SUMF1: variants seen among roughly 807,000 people sequenced by gnomAD.
The protein encoded by SUMF1 is formylglycine-generating enzyme.
Under a neutral mutation model 47.6 loss-of-function variants are expected in SUMF1, and 48 were observed. The observed-to-expected ratio is 1.01, with a 90% CI of 0.80 to 1.28. SUMF1 has a LOEUF of 1.28. Ranked by LOEUF, SUMF1 falls within the 50% of genes most tolerant of loss-of-function variation. The pLI, the probability that SUMF1 is intolerant of heterozygous loss-of-function variation, is 0.00. For missense variants in SUMF1, 571 were observed against 485.4 expected, an observed-to-expected ratio of 1.18 and a Z score of -1.66; for synonymous variants, 230 against 192.1, an observed-to-expected ratio of 1.20 and a Z score of -1.63.
At chr3:4,284,260 A>T (rs1697585258) in intron 8 of SUMF1, among the ~76,000 whole-genome samples, 1 of 151,954 alleles carries the variant, frequency 6.6e-6, no homozygotes, top group Admixed American at 6.6e-5. Flanking sequence ...ACAAAAAAAA[A>T]AATTAGTCAT....
intron 9 of SUMF1, among the ~76,000 whole-genome samples, chr3:4,057,618 C>T (rs1254546365): frequency 6.6e-6 from 1 of 152,028 alleles, no homozygotes; most frequent in African/African-American, 2.4e-5. Flanking sequence ...CTGTGCCTCC[C>T]AGAGTTGTTA....
chr3:4,047,801 A>T (rs896251480), intron 9 of SUMF1, among the ~76,000 whole-genome samples: 2 of 152,166 alleles, frequency 1.3e-5, no homozygotes, highest in Non-Finnish European at 2.9e-5. Flanking sequence ...AGCACTACAA[A>T]AAAAGAACCC....
At chr3:4,046,653 A>G (rs1695012376) in intron 9 of SUMF1, among the ~76,000 whole-genome samples, 1 of 152,074 alleles carries the variant, frequency 6.6e-6, no homozygotes, top group South Asian at 2.1e-4. Context: ...CGCTCCAAAT[A>G]TAGCTCCAGT....
chr3:4,395,558 G>C (rs1014218788), intron 7 of SUMF1, among the ~76,000 whole-genome samples: 1 of 152,204 alleles, frequency 6.6e-6, no homozygotes, highest in South Asian at 2.1e-4. Context: ...AAAGAAGAGC[G>C]CAGTAAAACA....
At chr3:4,432,222 C>T (rs552755755) in intron 3 of SUMF1, among the ~76,000 whole-genome samples, 54 of 151,310 alleles carry the variant, frequency 3.6e-4, no homozygotes, top group Non-Finnish European at 6.0e-4. Flanking sequence ...TCACCATCTC[C>T]CCAAAACCCA....
chr3:4,464,649 G>T (rs952411306), intron 1 of SUMF1, among the ~76,000 whole-genome samples: 3 of 152,168 alleles, frequency 2.0e-5, no homozygotes, highest in Non-Finnish European at 4.4e-5. Context: ...TGAAATATTG[G>T]AGTTCCTGAA....
rs182584055 is a variant in SUMF1 at position 4,137,889 on chromosome 3, T to C, written c.1015-69144A>G. ...CCATCTCTATTTGCAGATGAGATAATCTTGCATATAGTAAACACTAATAAT... is the reference window on the plus strand; with the variant it reads ...CCATCTCTATTTGCAGATGAGATAACCTTGCATATAGTAAACACTAATAAT... On this transcript the variant is annotated intron_variant and NMD_transcript_variant, in intron 8 of 12. Coordinates refer to the SUMF1 transcript ENST00000448413. 1.1e-3 allele frequency among the ~76,000 whole-genome samples: 159 copies of C among 149,176 alleles called. 1 individual carries two copies. The highest frequency in any genetic ancestry group is 6.3e-3 in the Admixed American group (93 of 14,674).
chr3:4,212,569 T>C (rs1026458415), intron 8 of SUMF1, among the ~76,000 whole-genome samples: 3 of 152,120 alleles, frequency 2.0e-5, no homozygotes, highest in African/African-American at 4.8e-5. Context: ...GTTTGATGAA[T>C]TGACAGAAGT....
At chr3:4,121,422 G>C (rs747773448) in intron 8 of SUMF1, among the ~76,000 whole-genome samples, 2 of 152,000 alleles carry the variant, frequency 1.3e-5, no homozygotes, top group Non-Finnish European at 2.9e-5. Context: ...TAGTCTCTTT[G>C]TTTTATGTTT....
intron 8 of SUMF1, among the ~76,000 whole-genome samples, chr3:4,141,658 G>T (rs945255732): frequency 1.3e-5 from 2 of 151,972 alleles, no homozygotes; most frequent in Non-Finnish European, 2.9e-5. Context: ...GCAAGATCCT[G>T]CTTCAAAGCC....
chr3:4,165,903 C>T lies in SUMF1; in HGVS notation c.1015-97158G>A, dbSNP rs1481020381. 3.4e-5 allele frequency among the ~76,000 whole-genome samples: 5 copies of T among 148,810 alleles called. No individual in the cohort carries two copies. In the East Asian group the frequency reaches 8.1e-4, roughly 24 times the overall value. ...GCAAGAACCTGCAATGGTCCCTGGA[C>T]CCTGCTGATCAGAATAGTTGTGCTC... On this transcript the variant is annotated intron_variant and NMD_transcript_variant, in intron 8 of 12. Transcript: ENST00000448413.
chr3:4,141,576 T>C (rs1694071880), intron 8 of SUMF1, among the ~76,000 whole-genome samples: 1 of 152,084 alleles, frequency 6.6e-6, no homozygotes. Context: ...AAAAGGAGGA[T>C]TGCTTGAGCC....
In SUMF1 at chr3:4,168,639, G is replaced by A. The variant is rs56290573; in HGVS notation, c.1015-99894C>T. On this transcript the variant is annotated intron_variant and NMD_transcript_variant, in intron 8 of 12. Coordinates refer to the SUMF1 transcript ENST00000448413. The stretch of plus-strand genomic sequence containing the variant: ...TCAATTCAAAAAGTTTTTTTAATGA[G>A]TTCTCAAGCAACTTTGGGTAAAAAT... 2.8e-3 allele frequency among the ~76,000 whole-genome samples: 430 copies of A among 152,106 alleles called. 3 individuals are homozygous for A. Among genetic ancestry groups the A allele is most frequent in the African/African-American group, 0.01 (417 of 41,480 alleles).
intron 8 of SUMF1, among the ~76,000 whole-genome samples, chr3:4,296,479 T>C (rs957203045): frequency 6.6e-6 from 1 of 152,098 alleles, no homozygotes; most frequent in African/African-American, 2.4e-5. Context: ...TTCACATGGC[T>C]GGGGAGGCCT....
intron 8 of SUMF1, among the ~76,000 whole-genome samples, chr3:4,074,308 C>T (rs373517873): frequency 3.9e-5 from 6 of 152,076 alleles, no homozygotes; most frequent in African/African-American, 9.7e-5. Flanking sequence ...AAAGACATGA[C>T]GTACCAGAAT....
chr3:4,246,862 T>G (rs966903858), intron 8 of SUMF1, among the ~76,000 whole-genome samples: 1 of 152,164 alleles, frequency 6.6e-6, no homozygotes. Context: ...CCTGAGGAAA[T>G]TCAGCGCTAA....
Position 4,349,187 on chromosome 3 carries a change from T to C in SUMF1, c.1014+27143A>G, listed in dbSNP as rs570852247. 3.1e-4 allele frequency among the ~76,000 whole-genome samples: 47 copies of C among 152,152 alleles called. 1 individual carries two copies. The highest frequency in any genetic ancestry group is 2.7e-3 in the Admixed American group (42 of 15,290). On this transcript the variant is annotated intron_variant and NMD_transcript_variant, in intron 8 of 12. Coordinates refer to the SUMF1 transcript ENST00000448413. ...ACAAACAACCTTATCAAAGAGTGGGTGAAGGATATGAACAAACACTTCTCA... is the reference window on the plus strand; with the variant it reads ...ACAAACAACCTTATCAAAGAGTGGGCGAAGGATATGAACAAACACTTCTCA...
chr3:4,265,384 T>A (rs2125028353), intron 8 of SUMF1, among the ~76,000 whole-genome samples: 1 of 152,254 alleles, frequency 6.6e-6, no homozygotes, highest in African/African-American at 2.4e-5. Flanking sequence ...CAACAGTAAT[T>A]TCAAGTGTGA....
At chr3:4,204,987 C>T (rs1306553298) in intron 8 of SUMF1, among the ~76,000 whole-genome samples, 2 of 151,980 alleles carry the variant, frequency 1.3e-5, no homozygotes, top group African/African-American at 4.8e-5. Flanking sequence ...GTCATTTGTG[C>T]CTTATTTAGT....
Sources: gnomAD v4.1 joint callset for allele counts (sites outside exome capture counted in the v4.1 genomes callset) on GRCh38, gnomAD v4.1.1 for gene constraint, MANE v1.5 for transcripts, NCBI Gene and HGNC (gene_info 2026-07-23, HGNC 2026-07-21) for gene names.